Variants in AOPEP observed in about 807,000 individuals in gnomAD.
AOPEP encodes the protein aminopeptidase O (putative).
Under a neutral mutation model 98.1 loss-of-function variants are expected in AOPEP, and 77 were observed. The observed-to-expected ratio is 0.78, with a 90% CI of 0.65 to 0.95. The LOEUF (loss-of-function observed/expected upper bound fraction) is 0.95. AOPEP is among the 40% of genes least tolerant of loss of function. The probability of loss-of-function intolerance (pLI) is 0.00; values close to 1 mark genes in which losing one functional copy is unlikely to be tolerated. For synonymous variants in AOPEP, 346 were observed against 365.3 expected (o/e 0.95, Z 0.60); for missense variants, 1,024 against 1,024.7 (o/e 1.00, Z 0.01).
chr9:94,957,452 C>T (rs1488005671), intron 9 of AOPEP, among the ~76,000 whole-genome samples: 1 of 152,210 alleles, frequency 6.6e-6, no homozygotes, highest in Non-Finnish European at 1.5e-5. Flanking sequence ...AGGTGATCTG[C>T]CCACCTTGGC....
chr9:94,847,200 T>TCTCC (rs1284592830), intron 5 of AOPEP, among the ~76,000 whole-genome samples: 1 of 151,926 alleles, frequency 6.6e-6, no homozygotes, highest in African/African-American at 2.4e-5. Context: ...TCTCTCTCTC[T>TCTCC]CTCCACACAT....
intron 13 of AOPEP, among the ~76,000 whole-genome samples, chr9:95,042,795 A>G (rs955231501): frequency 8.5e-5 from 13 of 152,154 alleles, no homozygotes; most frequent in African/African-American, 2.9e-4. Flanking sequence ...GCCCACCTGT[A>G]TAATCCAGGG....
At chr9:94,935,817 G>A (rs192977516) in intron 7 of AOPEP, among the ~76,000 whole-genome samples, 7 of 152,204 alleles carry the variant, frequency 4.6e-5, no homozygotes, top group African/African-American at 1.2e-4. Flanking sequence ...TTAACTCCCC[G>A]TTGACATCTC....
intron 5 of AOPEP, among the ~76,000 whole-genome samples, chr9:94,811,630 C>T (rs1441731039): frequency 1.3e-5 from 2 of 152,152 alleles, no homozygotes; most frequent in Non-Finnish European, 2.9e-5. Context: ...TCCCAGAGCT[C>T]AGCAGGGTGC....
the AOPEP span, among the ~76,000 whole-genome samples, chr9:95,142,980 A>C: frequency 2.1e-4 from 32 of 152,334 alleles, no homozygotes; most frequent in East Asian, 6.2e-3. Context: ...TTAAGGGCTC[A>C]GTCCCACAAG....
chr9:94,760,203 G>C lies in AOPEP; in HGVS notation c.420G>C (p.Glu140Asp), dbSNP rs777933373. The part of the protein sequence containing the change: ...YCCDTGNHGS[E>D]DFLLVLDCCD... ...GTGACACAGGGAATCATGGGAGTGA[G>C]GATTTTTTGCTAGTGTTGGACTGCT... Residue 140 changes from glutamate to aspartate, a missense_variant, in exon 2 of 17, where the codon GAG becomes GAC. Glu to Asp is a conservative substitution (Grantham distance 45). Around this residue, in one of 3 missense-constraint regions of AOPEP, gnomAD observed 440 missense variants for 433.8 expected, o/e 1.01. Coordinates refer to ENST00000375315, the MANE Select transcript of AOPEP (RefSeq NM_001193329.3). 5.9e-5 allele frequency: 96 copies of C among 1,614,070 alleles called. No individual in the cohort carries two copies. The highest frequency in any genetic ancestry group is 8.0e-5 in the Non-Finnish European group (94 of 1,180,048).
chr9:95,095,855 C>T, the AOPEP span, among the ~76,000 whole-genome samples: 2 of 141,046 alleles, frequency 1.4e-5, no homozygotes, highest in South Asian at 2.6e-4. Context: ...GTGGGTGGGC[C>T]GGGAGGGAGT....
intron 11 of AOPEP, among the ~76,000 whole-genome samples, chr9:95,002,647 CAG>C (rs1359406896): frequency 3.3e-5 from 5 of 152,132 alleles, no homozygotes; most frequent in African/African-American, 1.2e-4. Flanking sequence ...AGGAAATAAA[CAG>C]AATGTTATTA....
chr9:94,966,291 G>T (rs1019162893), intron 9 of AOPEP, among the ~76,000 whole-genome samples: 2 of 151,910 alleles, frequency 1.3e-5, no homozygotes, highest in African/African-American at 4.8e-5. Context: ...CTATTGGGAG[G>T]CTTCGGTCTG....
chr9:95,043,182 C>CA (rs2065488945), intron 13 of AOPEP, among the ~76,000 whole-genome samples: 1 of 150,702 alleles, frequency 6.6e-6, no homozygotes, highest in Non-Finnish European at 1.5e-5. Context: ...CTTCTCATAA[C>CA]TACCATCAGG....
intron 13 of AOPEP, among the ~76,000 whole-genome samples, chr9:95,035,408 A>G (rs2064713452): frequency 6.6e-6 from 1 of 151,918 alleles, no homozygotes; most frequent in Non-Finnish European, 1.5e-5. Context: ...AAATCTAAGT[A>G]AAGGTATCTA....
At position 94,760,657 on chromosome 9, in the gene AOPEP, G is replaced by A. The variant is rs1838055439; in HGVS notation, c.797+77G>A. ...CGGGGATGCTTTCAAACATGAGACCGGCTCTGCAGAGATGCTCCTGTGTCT... is the reference window on the plus strand; with the variant it reads ...CGGGGATGCTTTCAAACATGAGACCAGCTCTGCAGAGATGCTCCTGTGTCT... On this transcript the variant is annotated intron_variant, in intron 2 of 16. Coordinates refer to ENST00000375315, the MANE Select transcript of AOPEP (RefSeq NM_001193329.3). 1.4e-5 allele frequency: 17 copies of A among 1,196,258 alleles called. No individual in the cohort carries two copies. In the Admixed American group the frequency reaches 1.9e-4, roughly 13 times the overall value. The allele number at this position is 1,196,258 out of a possible 1,614,324, so 74.1% of individuals were successfully genotyped here.
Position 94,774,146 on chromosome 9 carries a change from A to C in AOPEP, c.964+978A>C, listed in dbSNP as rs538982340. Among the ~76,000 whole-genome samples, 241 of 152,114 alleles carry C rather than the reference A, an allele frequency of 1.6e-3. 1 individual carries two copies. Among genetic ancestry groups the C allele is most frequent in the Admixed American group, 3.8e-3 (58 of 15,282 alleles). On this transcript the variant is annotated intron_variant, in intron 3 of 16. Transcript: ENST00000375315. Reference sequence around the variant, plus strand: ...GCTAACACGGTGAAATCTCGTCTCTACTAAAAATACAAAAAATTAGCCGGG... The same window carrying C: ...GCTAACACGGTGAAATCTCGTCTCTCCTAAAAATACAAAAAATTAGCCGGG...
chr9:94,750,714 A>G (rs920044043), intron 1 of AOPEP, among the ~76,000 whole-genome samples: 3 of 151,154 alleles, frequency 2.0e-5, no homozygotes, highest in Non-Finnish European at 4.4e-5. Context: ...GCTCGAGCTC[A>G]TCTCCAAGGT....
intron 5 of AOPEP, among the ~76,000 whole-genome samples, chr9:94,829,610 A>G (rs1322444008): frequency 6.6e-6 from 1 of 152,060 alleles, no homozygotes; most frequent in African/African-American, 2.4e-5. Flanking sequence ...TGCTTTTTCT[A>G]CCGAAATTCT....
At chr9:94,874,564 C>T (rs1292822717) in intron 5 of AOPEP, among the ~76,000 whole-genome samples, 2 of 152,126 alleles carry the variant, frequency 1.3e-5, no homozygotes, top group Admixed American at 6.5e-5. Context: ...CTAAGGTATG[C>T]GGATGCTTTT....
At position 94,928,715 on chromosome 9, in the gene AOPEP, C is replaced by T. The variant is rs114022900; in HGVS notation, c.1661+184C>T. 1,259 of 528,872 alleles carry T rather than the reference C, an allele frequency of 2.4e-3. 18 individuals carry two copies. Among genetic ancestry groups the T allele is most frequent in the African/African-American group, 0.022 (1,134 of 50,740 alleles). The allele number at this position is 528,872 out of a possible 1,614,324, so 32.8% of individuals were successfully genotyped here. ...AGGGCATGCGTTTCGATTTGCCTTC[C>T]GTCATTTTCCTGGTGACTGTTTAGG... On this transcript the variant is annotated intron_variant, in intron 7 of 16. Coordinates refer to ENST00000375315, the MANE Select transcript of AOPEP (RefSeq NM_001193329.3).
Position 94,760,150 on chromosome 9 carries a change from T to C in AOPEP, c.367T>C (p.Ser123Pro). ...TAACCATGACAACCAGGAACATGCT[T>C]CTGGGATTTCTAGCTCAAAGTACTG... Reference protein sequence around the residue: ...DGNHDNQEHASGISSSKYCCD... With the variant: ...DGNHDNQEHAPGISSSKYCCD... The change falls in exon 2 of 17, where the codon TCT becomes CCT. Residue 123 changes from serine (S) to proline (P), a missense_variant. Ser to Pro is a moderately conservative substitution (Grantham distance 74). Around this residue, in one of 3 missense-constraint regions of AOPEP, gnomAD observed 440 missense variants for 433.8 expected, o/e 1.01. Transcript: ENST00000375315. 1 of 1,614,166 alleles carries C rather than the reference T, an allele frequency of 6.2e-7. No individual in the cohort carries two copies. The highest frequency in any genetic ancestry group is 2.2e-5 in the East Asian group (1 of 44,892).
At chr9:95,107,354 A>AC in the AOPEP span, 3 of 1,443,304 alleles carry the variant, frequency 2.1e-6, no homozygotes, top group South Asian at 1.2e-5. Flanking sequence ...CTTTGAAACA[A>AC]CCCCCAGAAA....
Sources: allele counts gnomAD v4.1 joint callset (sites outside exome capture counted in the v4.1 genomes callset), GRCh38; gene constraint gnomAD v4.1.1; regional missense constraint gnomAD v4.1.1; transcripts MANE v1.5; gene names NCBI Gene and HGNC (gene_info 2026-07-23, HGNC 2026-07-21).